Variants in RIF1 observed in about 807,000 individuals in gnomAD.
The protein encoded by RIF1 is replication timing regulatory factor 1, also known as telomere-associated protein RIF1.
RIF1 carries 45 observed loss-of-function variants against 247.1 expected under a neutral mutation model. The observed-to-expected ratio is 0.18, with a 90% CI of 0.14 to 0.23. The LOEUF is 0.23. RIF1 is among the 10% of genes least tolerant of loss of function. The pLI is 1.00. For missense variants in RIF1, 2,967 were observed against 2,862.5 expected, an observed-to-expected ratio of 1.04 and a Z score of -0.83; for synonymous variants, 1,087 against 978.8, an observed-to-expected ratio of 1.11 and a Z score of -2.06.
At chr2:151,485,741 G>T (rs779805343), downstream of RIF1, 5 of 1,594,622 alleles carry the variant, frequency 3.1e-6, no homozygotes, top group Non-Finnish European at 4.3e-6. Context: ...CTGCAGACAA[G>T]TGTGATGCTT....
intron 10 of RIF1, chr2:151,499,250 T>A: frequency 9.6e-7 from 1 of 1,042,168 alleles, no homozygotes; most frequent in African/African-American, 1.6e-5. Context: ...CATTAATCTT[T>A]TTAAACATTT....
At chr2:151,485,957 G>T (rs1468542454), downstream of RIF1, 1 of 1,610,636 alleles carries the variant, frequency 6.2e-7, no homozygotes, top group Non-Finnish European at 8.5e-7. Context: ...TGGAAAAGGG[G>T]AAATATTATA....
intron 24 of RIF1, among the ~76,000 whole-genome samples, chr2:151,458,595 C>T (rs561575935): frequency 2.0e-5 from 3 of 151,936 alleles, no homozygotes; most frequent in East Asian, 3.9e-4. Flanking sequence ...TTGGAATTTT[C>T]CATGATAAAA....
intron 3 of RIF1, among the ~76,000 whole-genome samples, chr2:151,413,116 T>A (rs911579306): frequency 9.9e-5 from 15 of 151,864 alleles, no homozygotes; most frequent in Admixed American, 7.9e-4. Flanking sequence ...CTTGAACACC[T>A]CCTGGGTTCA....
intron 9 of RIF1, chr2:151,494,083 G>A: frequency 8.0e-7 from 1 of 1,242,650 alleles, no homozygotes; most frequent in Non-Finnish European, 1.2e-6. Context: ...TTTTTAACCT[G>A]GGACAGGGTT....
intron 8 of RIF1, among the ~76,000 whole-genome samples, chr2:151,423,957 C>T (rs1688579946): frequency 2.0e-5 from 3 of 152,224 alleles, no homozygotes; most frequent in Non-Finnish European, 4.4e-5. Flanking sequence ...TAAACTTCCT[C>T]TGCCCTCCTC....
intron 4 of RIF1, among the ~76,000 whole-genome samples, chr2:151,415,341 ATC>A (rs887072363): frequency 1.5e-5 from 2 of 129,346 alleles, no homozygotes; most frequent in African/African-American, 6.1e-5. Context: ...GTGAGACCCC[ATC>A]TCAAAAAAAA....
chr2:151,433,017 G>A (rs1302170299), intron 9 of RIF1, 60 bp from the exon 10 acceptor site: 2 of 1,304,674 alleles, frequency 1.5e-6, no homozygotes, highest in South Asian at 1.4e-5. Flanking sequence ...TGCATAGCTA[G>A]TGTTAGAGTT....
At chr2:151,466,406 G>A (rs1019256100) in intron 30 of RIF1, among the ~76,000 whole-genome samples, 3 of 152,098 alleles carry the variant, frequency 2.0e-5, no homozygotes, top group Admixed American at 2.0e-4. Context: ...CATCTTTTCT[G>A]CTCCCCATAC....
At chr2:151,498,242 C>CCTTT (rs1367661109) in intron 10 of RIF1, 3 of 1,550,588 alleles carry the variant, frequency 1.9e-6, no homozygotes, top group African/African-American at 1.4e-5. Flanking sequence ...CATTTTTTCC[C>CCTTT]CTTTCTTTCC....
chr2:151,490,901 CTT>C (rs1330834651), intron 9 of RIF1, among the ~76,000 whole-genome samples: 2 of 152,214 alleles, frequency 1.3e-5, no homozygotes, highest in African/African-American at 4.8e-5. Context: ...AATTTAGAGT[CTT>C]TCTCTGTGTT....
intron 13 of RIF1, among the ~76,000 whole-genome samples, chr2:151,438,030 A>C (rs568368323): frequency 9.2e-5 from 14 of 152,214 alleles, no homozygotes; most frequent in African/African-American, 3.1e-4. Context: ...AATTTTTTCT[A>C]TTGGTTGTTA....
intron 9 of RIF1, among the ~76,000 whole-genome samples, chr2:151,488,908 CTATT>C (rs2053636442): frequency 6.6e-6 from 1 of 152,060 alleles, no homozygotes; most frequent in Admixed American, 6.5e-5. Flanking sequence ...TATTTTGTAT[CTATT>C]GCCATGCTAA....
rs1553561697 is a variant in RIF1 at position 151,499,391 on chromosome 2, C to T, written c.*560C>T. The T allele has an allele frequency of 2.0e-6, 3 of 1,507,682 alleles. No individual in the cohort carries two copies. The highest frequency in any genetic ancestry group is 2.7e-6 in the Non-Finnish European group (3 of 1,109,092). The allele number at this position is 1,507,682 out of a possible 1,614,324, so 93.4% of individuals were successfully genotyped here. A position where few individuals can be genotyped will look rare whatever the true frequency, so the allele number is the denominator to read the frequency against. ...TTCCAACGTTTTCTTTATACAACAC[C>T]TGTATGACACAAGAAAGCATCCAGA... On this transcript the variant is annotated 3_prime_UTR_variant and NMD_transcript_variant, in exon 11 of 14. Coordinates refer to the RIF1 transcript ENST00000454583.
At chr2:151,417,320 G>A (rs1048164948) in intron 6 of RIF1, among the ~76,000 whole-genome samples, 5 of 152,152 alleles carry the variant, frequency 3.3e-5, no homozygotes, top group African/African-American at 4.8e-5. Context: ...ACTCTTTTAA[G>A]TGTAAACTCT....
At chr2:151,507,081 T>C in intron 13 of RIF1, 1 of 985,404 alleles carries the variant, frequency 1.0e-6, no homozygotes, top group Non-Finnish European at 1.6e-6. Context: ...TTGTCCTATA[T>C]TATGTGAAGA....
chr2:151,459,375 G>A (rs1306237957), intron 25 of RIF1, among the ~76,000 whole-genome samples: 1 of 152,180 alleles, frequency 6.6e-6, no homozygotes, highest in Admixed American at 6.5e-5. Flanking sequence ...AAAGGCACGG[G>A]TACTATAGAC....
In RIF1 at chr2:151,436,939, T is replaced by G; in HGVS notation, c.1308T>G (p.Leu436=). ...AACTTTTGGGACTTGAAATGTTGCT[T>G]CATTTCTTGTTGGGTCCAGAAGCCT... ...SIQLLGLEML[L]HFLLGPEALS... Residue 436 remains leucine (L), a synonymous_variant, in exon 12 of 36, where the codon CTT becomes CTG. Coordinates refer to ENST00000444746, the MANE Select transcript of RIF1 (RefSeq NM_018151.5). 6.2e-7 allele frequency: 1 copy of G among 1,614,114 alleles called. No homozygotes were observed. The highest frequency in any genetic ancestry group is 1.1e-5 in the South Asian group (1 of 91,078).
chr2:151,430,279 C>G (rs1025592815), intron 9 of RIF1, among the ~76,000 whole-genome samples: 1 of 151,984 alleles, frequency 6.6e-6, no homozygotes, highest in African/African-American at 2.4e-5. Flanking sequence ...CCTCAGCCTC[C>G]CAAAGTGCTG....
Sources: gnomAD v4.1 joint callset for allele counts (sites outside exome capture counted in the v4.1 genomes callset) on GRCh38, gnomAD v4.1.1 for gene constraint, MANE v1.5 for transcripts, NCBI Gene and HGNC (gene_info 2026-07-23, HGNC 2026-07-21) for gene names.